The following MTPN variants were observed in gnomAD, a reference collection of about 807,000 sequenced individuals.
MTPN encodes the protein myotrophin.
A neutral mutation model predicts 13.5 loss-of-function variants in MTPN; 2 were observed. The ratio of observed to expected loss-of-function variants is 0.15; its 90% CI spans 0.06 to 0.47. The LOEUF (loss-of-function observed/expected upper bound fraction) is 0.47. MTPN is among the 20% of genes least tolerant of loss of function. The pLI, the probability that MTPN is intolerant of heterozygous loss-of-function variation, is 0.97. For missense variants in MTPN, 79 were observed against 137.9 expected, an observed-to-expected ratio of 0.57 and a Z score of 2.14; for synonymous variants, 46 against 51.7, an observed-to-expected ratio of 0.89 and a Z score of 0.48.
chr7:135,934,071 G>C (rs1407044465), intron 3 of MTPN, among the ~76,000 whole-genome samples: 1 of 152,128 alleles, frequency 6.6e-6, no homozygotes, highest in African/African-American at 2.4e-5. Context: ...GAGGAACTGT[G>C]AGTGAATTAA....
At chr7:135,966,641 C>T (rs62489153) in intron 1 of MTPN, among the ~76,000 whole-genome samples, 11,799 of 152,178 alleles carry the variant, frequency 0.078, 621 homozygotes, top group South Asian at 0.19. Flanking sequence ...TGGCACATAA[C>T]GACTTCTGCT....
At chr7:135,971,296 C>T (rs1335239720) in intron 1 of MTPN, among the ~76,000 whole-genome samples, 1 of 152,112 alleles carries the variant, frequency 6.6e-6, no homozygotes, top group Non-Finnish European at 1.5e-5. Context: ...ATCAGACCTG[C>T]TGAAGATTAA....
intron 3 of MTPN, among the ~76,000 whole-genome samples, chr7:135,944,354 A>G (rs1425038632): frequency 6.6e-6 from 1 of 152,102 alleles, no homozygotes; most frequent in Non-Finnish European, 1.5e-5. Flanking sequence ...AATCTTCAAT[A>G]TTATATGTAT....
chr7:135,952,408 A>G (rs1799375801), intron 1 of MTPN, among the ~76,000 whole-genome samples: 1 of 152,188 alleles, frequency 6.6e-6, no homozygotes, highest in Non-Finnish European at 1.5e-5. Flanking sequence ...TACCTTCGCT[A>G]TGGACCAGCT....
At chr7:135,949,305 G>C (rs911410940) in intron 3 of MTPN, among the ~76,000 whole-genome samples, 3 of 152,216 alleles carry the variant, frequency 2.0e-5, no homozygotes, top group South Asian at 4.1e-4. Context: ...AGTATTCAAA[G>C]GTACTTTGTA....
intron 3 of MTPN, among the ~76,000 whole-genome samples, chr7:135,948,523 C>T: frequency 6.6e-6 from 1 of 152,124 alleles, no homozygotes; most frequent in Non-Finnish European, 1.5e-5. Context: ...ACACAGTACA[C>T]ACACAGAGAA....
intron 3 of MTPN, among the ~76,000 whole-genome samples, chr7:135,935,837 G>A (rs541359072): frequency 9.9e-5 from 15 of 151,884 alleles, no homozygotes; most frequent in African/African-American, 3.1e-4. Context: ...GCTTCTGCTT[G>A]GGATGGTGCC....
intron 3 of MTPN, among the ~76,000 whole-genome samples, chr7:135,931,837 A>G (rs1289708608): frequency 5.9e-5 from 9 of 152,090 alleles, no homozygotes; most frequent in Non-Finnish European, 1.3e-4. Context: ...TTTAATTCTT[A>G]ATTATTATGG....
At chr7:135,936,481 T>C (rs1466978104) in intron 3 of MTPN, among the ~76,000 whole-genome samples, 1 of 152,090 alleles carries the variant, frequency 6.6e-6, no homozygotes, top group African/African-American at 2.4e-5. Context: ...TGAGACTCCG[T>C]CTCAAACAAA....
At chr7:135,972,211 GCGCACA>G (rs1249515855) in intron 1 of MTPN, among the ~76,000 whole-genome samples, 3 of 86,570 alleles carry the variant, frequency 3.5e-5, no homozygotes, top group South Asian at 4.5e-4. Context: ...AAATACACAC[GCGCACA>G]CGCGCACGCG....
chr7:135,945,073 T>C (rs955098541), intron 3 of MTPN, among the ~76,000 whole-genome samples: 4 of 152,200 alleles, frequency 2.6e-5, no homozygotes, highest in Admixed American at 2.6e-4. Context: ...TGGTAAGTAT[T>C]TGTGTATCTA....
Position 135,951,062 on chromosome 7 carries a change from C to T in MTPN, c.187-380G>A, listed in dbSNP as rs564179782. Among the ~76,000 whole-genome samples the T allele has an allele frequency of 2.7e-3, 408 of 152,220 alleles. 1 individual carries two copies. Among genetic ancestry groups the T allele is most frequent in the African/African-American group, 9.2e-3 (383 of 41,528 alleles). Reference sequence around the variant, plus strand: ...ACAGCCAAAGAGGAGGTAAAAGGGCCGGGTAGCATGGCATCCCCTGAAATA... The same window carrying T: ...ACAGCCAAAGAGGAGGTAAAAGGGCTGGGTAGCATGGCATCCCCTGAAATA... On this transcript the variant is annotated intron_variant, in intron 2 of 3. Coordinates refer to ENST00000393085, the MANE Select transcript of MTPN (RefSeq NM_145808.4).
At chr7:135,960,597 T>C (rs894068520) in intron 1 of MTPN, 7 of 151,830 alleles carry the variant, frequency 4.6e-5, no homozygotes, top group African/African-American at 1.7e-4. Context: ...AAGAAATATA[T>C]TGAAAATTCT....
At chr7:135,969,633 T>C (rs903955833) in intron 1 of MTPN, among the ~76,000 whole-genome samples, 1 of 152,154 alleles carries the variant, frequency 6.6e-6, no homozygotes, top group Admixed American at 6.5e-5. Context: ...TTATTTGTAA[T>C]TTTACAGAAG....
intron 1 of MTPN, among the ~76,000 whole-genome samples, chr7:135,958,059 T>C (rs1799470511): frequency 6.6e-6 from 1 of 152,196 alleles, no homozygotes; most frequent in Non-Finnish European, 1.5e-5. Flanking sequence ...ATTTTAGGAC[T>C]GGGCACTGGA....
At chr7:135,945,409 A>C (rs1288075378) in intron 3 of MTPN, among the ~76,000 whole-genome samples, 1 of 152,224 alleles carries the variant, frequency 6.6e-6, no homozygotes, top group Non-Finnish European at 1.5e-5. Context: ...TTAAAACACA[A>C]GTACACTGCA....
intron 2 of MTPN, among the ~76,000 whole-genome samples, chr7:135,951,293 C>A (rs992456214): frequency 1.3e-5 from 2 of 152,158 alleles, no homozygotes; most frequent in African/African-American, 4.8e-5. Flanking sequence ...GGGAAACATA[C>A]TAACCTTCAA....
intron 1 of MTPN, among the ~76,000 whole-genome samples, chr7:135,975,924 G>A (rs1241738169): frequency 6.6e-6 from 1 of 152,200 alleles, no homozygotes; most frequent in Non-Finnish European, 1.5e-5. Flanking sequence ...AAACTGCTTC[G>A]CTTACTTGCT....
intron 1 of MTPN, among the ~76,000 whole-genome samples, chr7:135,971,390 T>C (rs1799691493): frequency 6.6e-6 from 1 of 152,226 alleles, no homozygotes; most frequent in Non-Finnish European, 1.5e-5. Context: ...GCTCACCTTT[T>C]AGTAGTCTCA....
Sources: gnomAD v4.1 joint callset for allele counts (sites outside exome capture counted in the v4.1 genomes callset) on GRCh38, gnomAD v4.1.1 for gene constraint, MANE v1.5 for transcripts, NCBI Gene and HGNC (gene_info 2026-07-23, HGNC 2026-07-21) for gene names.